CPT1B: variants seen among roughly 807,000 people sequenced by gnomAD.
The protein encoded by CPT1B is carnitine palmitoyltransferase 1B.
In CPT1B, 57 loss-of-function variants were observed where a neutral mutation model predicts 92.7. The ratio of observed to expected loss-of-function variants is 0.62; its 90% CI spans 0.50 to 0.77. CPT1B has a LOEUF of 0.77. CPT1B is among the 30% of genes least tolerant of loss of function. The pLI is 0.00. For synonymous variants in CPT1B, 398 were observed against 383.5 expected, an observed-to-expected ratio of 1.04 and a Z score of -0.44; for missense variants, 983 against 1,017.4, an observed-to-expected ratio of 0.97 and a Z score of 0.46.
intron 5 of CPT1B, 52 bp downstream of exon 5, chr22:50,576,484 C>G: frequency 6.3e-7 from 1 of 1,593,388 alleles, no homozygotes; most frequent in Non-Finnish European, 8.6e-7. Flanking sequence ...TTGGAAACAT[C>G]TCCTGAATCC....
chr22:50,573,803 C>T lies in CPT1B; in HGVS notation c.971-88G>A, dbSNP rs2070304746. ...CCTCCCATGCACTAGGTGACCCCTGCAGACCCTGTTTTGCTCGGCCTCTGC... is the reference window on the plus strand; with the variant it reads ...CCTCCCATGCACTAGGTGACCCCTGTAGACCCTGTTTTGCTCGGCCTCTGC... On this transcript the variant is annotated intron_variant, in intron 9 of 19. Transcript: ENST00000312108. The surrounding 1 kb of genome is among the most constrained non-coding windows in gnomAD (Gnocchi z 5.0). The T allele has an allele frequency of 8.0e-7, 1 of 1,244,288 alleles. No homozygotes were observed. Among genetic ancestry groups the T allele is most frequent in the Non-Finnish European group, 1.2e-6 (1 of 865,718 alleles). 77.1% of individuals were successfully genotyped at this position (1,244,288 alleles called of 1,614,324 possible). A position where few individuals can be genotyped will look rare whatever the true frequency, so the allele number is the denominator to read the frequency against.
chr22:50,571,456 G>A lies in CPT1B; in HGVS notation c.1659C>T (p.Pro553=). 3 of 1,613,842 alleles carry A rather than the reference G, an allele frequency of 1.9e-6. No individual in the cohort carries two copies. Among genetic ancestry groups the A allele is most frequent in the Non-Finnish European group, 2.5e-6 (3 of 1,180,046 alleles). The part of the protein sequence containing the change: ...DVELYCFQFL[P]FGKGLIKKCR... ...ACTTCTTGATGAGGCCTTTGCCAAAGGGCAGGAACTGGAAGCAGTACAACT... is the reference window on the plus strand; with the variant it reads ...ACTTCTTGATGAGGCCTTTGCCAAAAGGCAGGAACTGGAAGCAGTACAACT... Residue 553 remains proline (P), a synonymous_variant, in exon 14 of 20, where the codon CCC becomes CCT. Coordinates refer to ENST00000312108, the MANE Select transcript of CPT1B (RefSeq NM_152246.3).
Position 50,573,755 on chromosome 22 carries a change from A to G in CPT1B, c.971-40T>C, listed in dbSNP as rs2070301429. 1.3e-6 allele frequency: 2 copies of G among 1,581,748 alleles called. No homozygotes were observed. Among genetic ancestry groups the G allele is most frequent in the East Asian group, 4.6e-5 (2 of 43,570 alleles). Reference sequence around the variant, plus strand: ...ACGGGCAAGCTGAGGCGGGGCCCCCAGCTACATCCTGGGAAGGGCCCACCT... The same window carrying G: ...ACGGGCAAGCTGAGGCGGGGCCCCCGGCTACATCCTGGGAAGGGCCCACCT... On this transcript the variant is annotated intron_variant, in intron 9 of 19. Transcript: ENST00000312108. This position sits in a 1 kb window ranked among gnomAD's most constrained non-coding sequence, Gnocchi z 5.0.
Position 50,573,714 on chromosome 22 carries a change from A to G in CPT1B, c.972T>C (p.Asp324=). 1.9e-6 allele frequency: 3 copies of G among 1,611,798 alleles called. No homozygotes were observed. The highest frequency in any genetic ancestry group is 2.5e-6 in the Non-Finnish European group (3 of 1,179,302). ...NTTRIPGKDT[D]VLQHLSDSRH... is the part of the protein sequence containing the mutation. ...GGCTGTCTGAGAGGTGCTGTAGCAC[A>G]TCTGTGATACAGGCCACGGGCAAGC... Residue 324 remains aspartate (D), a splice_region_variant and synonymous_variant, in exon 10 of 20, where the codon GAT becomes GAC. Transcript: ENST00000312108. The surrounding 1 kb of genome is among the most constrained non-coding windows in gnomAD (Gnocchi z 5.0).
rs748427933 is a variant in CPT1B at position 50,573,745 on chromosome 22, C to T, written c.971-30G>A. ...GATACAGGCCACGGGCAAGCTGAGGCGGGGCCCCCAGCTACATCCTGGGAA... is the reference window on the plus strand; with the variant it reads ...GATACAGGCCACGGGCAAGCTGAGGTGGGGCCCCCAGCTACATCCTGGGAA... On this transcript the variant is annotated intron_variant, in intron 9 of 19. Transcript: ENST00000312108. This position sits in a 1 kb window ranked among gnomAD's most constrained non-coding sequence, Gnocchi z 5.0. 8.4e-5 allele frequency: 134 copies of T among 1,597,050 alleles called. 1 individual carries two copies. In the Middle Eastern group the frequency reaches 1.2e-3, roughly 14 times the overall value.
chr22:50,575,158 C>A (rs1178537249), intron 7 of CPT1B, among the ~76,000 whole-genome samples: 4 of 152,032 alleles, frequency 2.6e-5, no homozygotes, highest in Non-Finnish European at 5.9e-5. Context: ...GGACTACAGA[C>A]GCCCACCACC....
At chr22:50,574,014 C>T (rs2070315071) in intron 9 of CPT1B, 1 of 696,900 alleles carries the variant, frequency 1.4e-6, no homozygotes, top group African/African-American at 1.8e-5. Flanking sequence ...AGGCTGCTGC[C>T]TCTGCCAGAC....
chr22:50,572,762 G>C (rs1415590359), intron 11 of CPT1B, 113 bp downstream of exon 11: 3 of 1,179,524 alleles, frequency 2.5e-6, no homozygotes, highest in Non-Finnish European at 3.7e-6. Flanking sequence ...AGGATCACAG[G>C]TGTGTGCCAC....
chr22:50,570,461 C>A, intron 16 of CPT1B, 55 bp from the exon 17 acceptor site: 1 of 1,385,700 alleles, frequency 7.2e-7, no homozygotes, highest in African/African-American at 1.4e-5. Flanking sequence ...ACCTGTCCAA[C>A]ACGTGGTGTC....
Position 50,574,601 on chromosome 22 carries a change from C to T in CPT1B, c.778-1G>A, listed in dbSNP as rs1466275708. On this transcript the variant is annotated splice_acceptor_variant, in intron 7 of 19. Transcript: ENST00000312108. LOFTEE classifies it high-confidence loss of function. Reference sequence around the variant, plus strand: ...CTGTATTCTTGATGAGCACAAGGTCCTACAGAGGAACAGAGCCCGCGGGGT... The same window carrying T: ...CTGTATTCTTGATGAGCACAAGGTCTTACAGAGGAACAGAGCCCGCGGGGT... 9 of 1,613,836 alleles carry T rather than the reference C, an allele frequency of 5.6e-6. No individual in the cohort carries two copies. The highest frequency in any genetic ancestry group is 2.7e-5 in the African/African-American group (2 of 74,906).
intron 11 of CPT1B, 141 bp downstream of exon 11, chr22:50,572,734 C>G (rs915533360): frequency 8.9e-6 from 8 of 897,558 alleles, no homozygotes; most frequent in Non-Finnish European, 1.2e-5. Flanking sequence ...ATCCACCTGC[C>G]TTGGCCCCCA....
rs2070212496 is a variant in CPT1B at position 50,572,223 on chromosome 22, T to C, written c.1438A>G (p.Ile480Val). 3 of 1,613,698 alleles carry C rather than the reference T, an allele frequency of 1.9e-6. No homozygotes were observed. The highest frequency in any genetic ancestry group is 1.3e-5 in the African/African-American group (1 of 75,044). ...ATTACCTCCCAGAGGTGCCCAATGA[T>C]GGGAGCATCTGCCCACGCATGCTCT... ...NAEHAWADAP[I>V]IGHLWEFVLG... Residue 480 changes from isoleucine (I) to valine (V), a missense_variant, in exon 12 of 20, where the codon ATC (isoleucine) becomes GTC (valine). Physicochemically the swap from Ile to Val is conservative, Grantham distance 29 (BLOSUM62 3). Transcript: ENST00000312108.
At chr22:50,578,169 C>G (rs539591552) in intron 1 of CPT1B, 1 of 165,276 alleles carries the variant, frequency 6.1e-6, no homozygotes, top group South Asian at 2.0e-4. Context: ...CCAGGAGCCC[C>G]AAGGACGGCG....
At chr22:50,570,508 G>A in intron 16 of CPT1B, 102 bp from the exon 17 acceptor site, 1 of 946,398 alleles carries the variant, frequency 1.1e-6, no homozygotes, top group East Asian at 2.6e-5. Context: ...TTCTGCTGAG[G>A]GTGCAGGAGC....
At position 50,573,355 on chromosome 22, in the gene CPT1B, C is replaced by T. The variant is rs1314239756; in HGVS notation, c.1166+165G>A. Among the ~76,000 whole-genome samples, 4 of 152,118 alleles carry T rather than the reference C, an allele frequency of 2.6e-5. No homozygotes were observed. Among genetic ancestry groups the T allele is most frequent in the African/African-American group, 7.2e-5 (3 of 41,416 alleles). On this transcript the variant is annotated intron_variant, in intron 10 of 19. Coordinates refer to ENST00000312108, the MANE Select transcript of CPT1B (RefSeq NM_152246.3). The surrounding 1 kb of genome is among the most constrained non-coding windows in gnomAD (Gnocchi z 5.0). ...CTGCACACTTCACCTGGCTGCCACC[C>T]GTCAGAGGTAGGTTATGCTGGCTGT...
intron 13 of CPT1B, chr22:50,571,760 C>A: frequency 1.6e-6 from 1 of 641,336 alleles, no homozygotes; most frequent in Non-Finnish European, 2.7e-6. Context: ...GCTCCAGGGG[C>A]CTGTGAGTGC....
chr22:50,577,450 CT>C lies in CPT1B; in HGVS notation c.154del (p.Arg52GlyfsTer67). 1.2e-6 allele frequency: 2 copies of C among 1,613,648 alleles called. No homozygotes were observed. Among genetic ancestry groups the C allele is most frequent in the Non-Finnish European group, 1.7e-6 (2 of 1,179,960 alleles). On this transcript the variant is annotated frameshift_variant, in exon 3 of 20. Coordinates refer to ENST00000312108, the MANE Select transcript of CPT1B (RefSeq NM_152246.3). LOFTEE classifies it high-confidence loss of function. ...RLIRIKNGILRGVYPGSPTSW... is the reference protein window; with the variant it reads ...RLIRIKNGILXGVYPGSPTSW... The stretch of plus-strand genomic sequence containing the variant: ...GGTGGGGCTGCCAGGGTACACGCCC[CT>C]GAGGATGCCATTCTGTGGGCAGAAA...
At chr22:50,574,909 C>T (rs2070362222) in intron 7 of CPT1B, 2 of 299,036 alleles carry the variant, frequency 6.7e-6, no homozygotes, top group South Asian at 1.0e-4. Flanking sequence ...CCTAAGTGAT[C>T]CTCCTGCTGC....
At position 50,569,335 on chromosome 22, in the gene CPT1B, C is replaced by G. The variant is rs2070040419; in HGVS notation, c.*2+1G>C. Reference sequence around the variant, plus strand: ...GAAAGGGCAGCTGGCATTTCTCCAACCTTCAGCTGTAGGCCTTGGGAACTT... The same window carrying G: ...GAAAGGGCAGCTGGCATTTCTCCAAGCTTCAGCTGTAGGCCTTGGGAACTT... On this transcript the variant is annotated splice_donor_variant, in intron 19 of 19. Transcript: ENST00000312108. LOFTEE classifies it low-confidence loss of function (3UTR_SPLICE). The G allele has an allele frequency of 3.1e-6, 5 of 1,613,916 alleles. No individual in the cohort carries two copies. Among genetic ancestry groups the G allele is most frequent in the Non-Finnish European group, 4.2e-6 (5 of 1,179,890 alleles).
Sources: gnomAD v4.1 joint callset for allele counts (sites outside exome capture counted in the v4.1 genomes callset) on GRCh38, gnomAD v4.1.1 for gene constraint, Gnocchi (gnomAD v3.1) non-coding constraint, MANE v1.5 for transcripts, NCBI Gene and HGNC (gene_info 2026-07-23, HGNC 2026-07-21) for gene names.